LDB2: variants seen among roughly 807,000 people sequenced by gnomAD.
LDB2 encodes the protein LIM domain binding 2, also known as LIM domain-binding protein 2.
In LDB2, 12 loss-of-function variants were observed where a neutral mutation model predicts 44.3. The ratio of observed to expected loss-of-function variants is 0.27; its 90% confidence interval spans 0.17 to 0.44. The LOEUF (loss-of-function observed/expected upper bound fraction) is 0.44. Among genes scored for constraint, LDB2 ranks in the 20% least tolerant of loss-of-function variants. LDB2 has a pLI of 1.00. For missense variants in LDB2, 344 were observed against 473.5 expected (o/e 0.73, Z 2.54); for synonymous variants, 164 against 174.8 (o/e 0.94, Z 0.49).
At chr4:16,830,221 G>A (rs759926204) in intron 1 of LDB2, among the ~76,000 whole-genome samples, 13 of 152,316 alleles carry the variant, frequency 8.5e-5, no homozygotes, top group Non-Finnish European at 1.8e-4. Context: ...CAGGTGTTGA[G>A]GGAGAGACCT....
At chr4:16,697,859 C>T (rs949459973) in intron 2 of LDB2, among the ~76,000 whole-genome samples, 4 of 152,008 alleles carry the variant, frequency 2.6e-5, no homozygotes, top group Non-Finnish European at 4.4e-5. Context: ...GATTGATTTA[C>T]GTAGTAGTAA....
At chr4:16,697,075 A>C (rs1263534024) in intron 2 of LDB2, among the ~76,000 whole-genome samples, 2 of 152,116 alleles carry the variant, frequency 1.3e-5, no homozygotes, top group African/African-American at 4.8e-5. Context: ...AGCCTCAAGA[A>C]CTGCCAAGCA....
chr4:16,774,094 G>A (rs1457284549), intron 1 of LDB2, among the ~76,000 whole-genome samples: 1 of 143,190 alleles, frequency 7.0e-6, no homozygotes, highest in Non-Finnish European at 1.5e-5. Context: ...GGCAGAGGTT[G>A]CAGTGAGCCA....
rs1762590889 is a variant in LDB2, at chr4:16,739,602, A to ATATATATGTATATATACATGTGTGTG, written c.235+19530_235+19555dup. ...AAAAAAAAAAAAAATATATATATAT[A>ATATATATGTATATATACATGTGTGTG]TATATATGTATATATACATGTGTGT... On this transcript the variant is annotated intron_variant, in intron 2 of 7. Coordinates refer to ENST00000304523, the MANE Select transcript of LDB2 (RefSeq NM_001290.5). 3.5e-5 allele frequency among the ~76,000 whole-genome samples: 3 copies of ATATATATGTATATATACATGTGTGTG among 86,798 alleles called. 1 individual carries two copies. The highest frequency in any genetic ancestry group is 4.7e-5 in the African/African-American group (1 of 21,340). The allele number at this position is 86,798 out of a possible 152,430, so 56.9% of individuals were successfully genotyped here.
At chr4:16,797,566 AAT>A (rs1776971902) in intron 1 of LDB2, among the ~76,000 whole-genome samples, 1 of 152,206 alleles carries the variant, frequency 6.6e-6, no homozygotes, top group African/African-American at 2.4e-5. Context: ...TTCCCAAATT[AAT>A]ATGACTAAAG....
chr4:16,828,279 T>C (rs1020393315), intron 1 of LDB2, among the ~76,000 whole-genome samples: 1 of 152,240 alleles, frequency 6.6e-6, no homozygotes, highest in African/African-American at 2.4e-5. Context: ...CATGTATCAA[T>C]ACATTCCTGC....
At chr4:16,809,393 G>A (rs1021273074) in intron 1 of LDB2, among the ~76,000 whole-genome samples, 1 of 152,120 alleles carries the variant, frequency 6.6e-6, no homozygotes, top group Admixed American at 6.6e-5. Flanking sequence ...AATGCTAAAG[G>A]CTGTCCAGGA....
Position 16,748,864 on chromosome 4 carries a change from C to T in LDB2, c.235+10294G>A, listed in dbSNP as rs116142801. Among the ~76,000 whole-genome samples the T allele has an allele frequency of 9.0e-3, 1,365 of 152,200 alleles. 26 individuals carry two copies. The highest frequency in any genetic ancestry group is 0.031 in the African/African-American group (1,301 of 41,542). On this transcript the variant is annotated intron_variant, in intron 2 of 7. Coordinates refer to ENST00000304523, the MANE Select transcript of LDB2 (RefSeq NM_001290.5). ...TTAGGAACAGATTTATAAACAGAGGCAGAGGGTATCTACATGAAAAAACAT... is the reference window on the plus strand; with the variant it reads ...TTAGGAACAGATTTATAAACAGAGGTAGAGGGTATCTACATGAAAAAACAT...
chr4:16,796,666 A>C (rs1776803950), intron 1 of LDB2, among the ~76,000 whole-genome samples: 1 of 152,188 alleles, frequency 6.6e-6, no homozygotes. Flanking sequence ...ACATGAAAAA[A>C]GAGTAATCAT....
intron 1 of LDB2, among the ~76,000 whole-genome samples, chr4:16,894,998 TA>T (rs1025806025): frequency 2.6e-4 from 40 of 152,160 alleles, no homozygotes; most frequent in African/African-American, 9.6e-4. Context: ...GTGTTTATGG[TA>T]TTTTTTTTAA....
Position 16,597,396 on chromosome 4 carries a change from C to G in LDB2, c.236-1521G>C, listed in dbSNP as rs140584856. On this transcript the variant is annotated intron_variant, in intron 2 of 7. Transcript: ENST00000304523. Reference sequence around the variant, plus strand: ...TGCCTAATCCCCAATACTGCATGCTCATTTTCTAAATATAAAATTCAAATG... The same window carrying G: ...TGCCTAATCCCCAATACTGCATGCTGATTTTCTAAATATAAAATTCAAATG... Among the ~76,000 whole-genome samples, 512 of 152,192 alleles carry G rather than the reference C, an allele frequency of 3.4e-3. 6 individuals carry two copies. The highest frequency in any genetic ancestry group is 0.012 in the African/African-American group (489 of 41,518).
At position 16,557,622 on chromosome 4, in the gene LDB2, C is replaced by T. The variant is rs575526579; in HGVS notation, c.615+28300G>A. 3.1e-4 allele frequency among the ~76,000 whole-genome samples: 48 copies of T among 152,382 alleles called. 1 individual carries two copies. The highest frequency in any genetic ancestry group is 2.1e-3 in the South Asian group (10 of 4,828). On this transcript the variant is annotated intron_variant, in intron 5 of 7. Coordinates refer to ENST00000304523, the MANE Select transcript of LDB2 (RefSeq NM_001290.5). ...GAGGGCTGCCTGCCTCTGTAGGCTC[C>T]ACCTCTGGGGGCAGGGCACAGACAA...
At chr4:16,735,896 T>C (rs1203328452) in intron 2 of LDB2, among the ~76,000 whole-genome samples, 2 of 152,112 alleles carry the variant, frequency 1.3e-5, no homozygotes, top group Non-Finnish European at 2.9e-5. Context: ...TCATAGTCAA[T>C]GCAATGTGGT....
intron 5 of LDB2, among the ~76,000 whole-genome samples, chr4:16,517,175 G>T (rs996045727): frequency 3.9e-5 from 6 of 152,154 alleles, no homozygotes; most frequent in Non-Finnish European, 7.3e-5. Context: ...ACCCTCAAGA[G>T]AATCTGGTGA....
At position 16,888,654 on chromosome 4, in the gene LDB2, C is replaced by T. The variant is rs1355458018; in HGVS notation, c.132+9700G>A. 3 of 883,854 alleles carry T rather than the reference C, an allele frequency of 3.4e-6. No homozygotes were observed. In the East Asian group the frequency reaches 3.6e-4, roughly 105 times the overall value. 54.8% of individuals were successfully genotyped at this position (883,854 alleles called of 1,614,324 possible). A position where few individuals can be genotyped will look rare whatever the true frequency, so the allele number is the denominator to read the frequency against. Reference sequence around the variant, plus strand: ...TTAAAGATACTTTTAAGAAATGAAGCAATGTTTGGCATTACTTACATTATT... The same window carrying T: ...TTAAAGATACTTTTAAGAAATGAAGTAATGTTTGGCATTACTTACATTATT... On this transcript the variant is annotated intron_variant, in intron 1 of 7. Transcript: ENST00000304523.
chr4:16,769,164 A>G (rs1246949167), intron 1 of LDB2, among the ~76,000 whole-genome samples: 3 of 152,226 alleles, frequency 2.0e-5, no homozygotes, highest in African/African-American at 7.2e-5. Context: ...GCTTGAAGAC[A>G]CACAAATAAA....
chr4:16,517,897 GGA>G (rs1163404600), intron 5 of LDB2, among the ~76,000 whole-genome samples: 1 of 150,294 alleles, frequency 6.7e-6, no homozygotes, highest in East Asian at 1.9e-4. Flanking sequence ...ATGGATGGAT[GGA>G]TGGATGGATG....
At chr4:16,588,919 C>T (rs1717946411) in intron 3 of LDB2, 87 bp from the exon 4 acceptor site, 3 of 1,414,340 alleles carry the variant, frequency 2.1e-6, no homozygotes, top group Non-Finnish European at 3.0e-6. Flanking sequence ...GCGTGGTCTC[C>T]CTTTCTGTCC....
chr4:16,551,828 T>A (rs907143788), intron 5 of LDB2, among the ~76,000 whole-genome samples: 5 of 152,336 alleles, frequency 3.3e-5, no homozygotes, highest in African/African-American at 1.2e-4. Context: ...ACTATTTATT[T>A]TATTTTTTCA....
Sources: gnomAD v4.1 joint callset for allele counts (sites outside exome capture counted in the v4.1 genomes callset) on GRCh38, gnomAD v4.1.1 for gene constraint, MANE v1.5 for transcripts, NCBI Gene and HGNC (gene_info 2026-07-23, HGNC 2026-07-21) for gene names.